Variants in CPS1 observed in about 807,000 individuals in gnomAD.
CPS1 encodes the protein carbamoyl-phosphate synthase 1.
Under a neutral mutation model 174.6 loss-of-function variants are expected in CPS1, and 109 were observed. That is an observed-to-expected ratio of 0.62 (90% CI 0.53 to 0.73). The LOEUF is 0.73. Among genes scored for constraint, CPS1 ranks in the 30% least tolerant of loss-of-function variants. CPS1 has a pLI of 0.00. For synonymous variants in CPS1, 637 were observed against 632.0 expected (o/e 1.01, Z -0.12); for missense variants, 1,689 against 1,821.9 (o/e 0.93, Z 1.33).
chr2:210,674,714 T>C lies in CPS1; in HGVS notation c.4102-188T>C. The stretch of plus-strand genomic sequence containing the variant: ...CAAGATTATGTGGATGGAATTTCAT[T>C]GACATTGGGATATAGCTAAAACTCA... On this transcript the variant is annotated intron_variant, in intron 34 of 37. Coordinates refer to ENST00000233072, the MANE Select transcript of CPS1 (RefSeq NM_001875.5). 3 of 615,152 alleles carry C rather than the reference T, an allele frequency of 4.9e-6. No individual in the cohort carries two copies. In the South Asian group the frequency reaches 5.7e-5, roughly 12 times the overall value. The allele number at this position is 615,152 out of a possible 1,614,324, so 38.1% of individuals were successfully genotyped here. A position where few individuals can be genotyped will look rare whatever the true frequency, so the allele number is the denominator to read the frequency against.
intron 7 of CPS1, 63 bp from the exon 8 acceptor site, chr2:210,590,043 C>CA: frequency 1.9e-5 from 30 of 1,603,028 alleles, no homozygotes; most frequent in Non-Finnish European, 2.5e-5. Context: ...GAAAGTCTAG[C>CA]AAAATTATAC....
intron 1 of CPS1, among the ~76,000 whole-genome samples, chr2:210,521,382 A>G (rs765817831): frequency 2.8e-4 from 42 of 151,386 alleles, no homozygotes; most frequent in Non-Finnish European, 1.5e-4. Flanking sequence ...CAATTTTATT[A>G]TAATATTCCT....
intron 19 of CPS1, among the ~76,000 whole-genome samples, chr2:210,611,788 G>T (rs1357816099): frequency 6.6e-6 from 1 of 151,730 alleles, no homozygotes. Flanking sequence ...ACTAAGAAAA[G>T]GTCTCTATGC....
chr2:210,660,856 A>T (rs1450765511), intron 32 of CPS1, among the ~76,000 whole-genome samples: 2 of 152,230 alleles, frequency 1.3e-5, no homozygotes, highest in Admixed American at 6.5e-5. Flanking sequence ...AAAAATTTTT[A>T]AAACCATCTA....
intron 3 of CPS1, 65 bp downstream of exon 3, chr2:210,576,555 G>C: frequency 1.3e-6 from 2 of 1,586,132 alleles, no homozygotes; most frequent in African/African-American, 1.3e-5. Context: ...TTATTCTTAA[G>C]AATTAGGATG....
At chr2:210,618,578 T>C (rs1699397234) in intron 21 of CPS1, 1 of 152,102 alleles carries the variant, frequency 6.6e-6, no homozygotes. Flanking sequence ...AATTTGATAA[T>C]GATTGTTATT....
upstream of CPS1, chr2:210,556,368 G>C (rs545337486): frequency 2.1e-6 from 1 of 470,848 alleles, no homozygotes; most frequent in Admixed American, 2.3e-5. Context: ...TTTAGGATAA[G>C]GTTGTCCATG....
At chr2:210,504,704 G>A (rs1357528605) in intron 1 of CPS1, among the ~76,000 whole-genome samples, 1 of 152,178 alleles carries the variant, frequency 6.6e-6, no homozygotes, top group Non-Finnish European at 1.5e-5. Context: ...TCCTGTTAAT[G>A]TAGCTATATT....
At chr2:210,479,352 C>A (rs181457176) in intron 1 of CPS1, among the ~76,000 whole-genome samples, 127 of 138,650 alleles carry the variant, frequency 9.2e-4, no homozygotes, top group African/African-American at 2.9e-3. Context: ...TTTTTTGAGA[C>A]GGAGTCTCGC....
Position 210,631,608 on chromosome 2 carries a change from G to T in CPS1, c.2688-6094G>T, listed in dbSNP as rs1293705390. Among the ~76,000 whole-genome samples, 3 of 152,230 alleles carry T rather than the reference G, an allele frequency of 2.0e-5. No individual in the cohort carries two copies. In the East Asian group the frequency reaches 5.8e-4, roughly 29 times the overall value. On this transcript the variant is annotated intron_variant, in intron 21 of 37. Transcript: ENST00000233072. ...TCTAAAATTTCAGTCATTTTGTGCT[G>T]CTAAGTAGAAAGAAACTGAAGATTA...
chr2:210,644,616 G>A (rs917291255), intron 25 of CPS1, among the ~76,000 whole-genome samples: 1 of 152,026 alleles, frequency 6.6e-6, no homozygotes, highest in Non-Finnish European at 1.5e-5. Context: ...TTGTAATGAG[G>A]CAAATACTAC....
Position 210,634,512 on chromosome 2 carries a change from A to G in CPS1, c.2688-3190A>G, listed in dbSNP as rs548440237. ...TTTCTTGAAAGTAAAAGTAACCACAAACTTTGGTGTTTCCAAGGCTCTCTG... is the reference window on the plus strand; with the variant it reads ...TTTCTTGAAAGTAAAAGTAACCACAGACTTTGGTGTTTCCAAGGCTCTCTG... On this transcript the variant is annotated intron_variant, in intron 21 of 37. Transcript: ENST00000233072. Among the ~76,000 whole-genome samples, 6 of 152,298 alleles carry G rather than the reference A, an allele frequency of 3.9e-5. No homozygotes were observed. In the South Asian group the frequency reaches 8.3e-4, roughly 21 times the overall value.
chr2:210,675,633 C>T, intron 35 of CPS1, 95 bp from the exon 36 acceptor site: 1 of 743,068 alleles, frequency 1.3e-6, no homozygotes, highest in Non-Finnish European at 2.5e-6. Flanking sequence ...TTCTCATGTT[C>T]AGCAATTTCT....
In CPS1 at chr2:210,547,174, ATG is replaced by A. The variant is rs1315603813; in HGVS notation, c.4-9544_4-9543del. Reference sequence around the variant, plus strand: ...AGGTCTGAAAATAGAAGTTAAAAAAATGGTGCTAAATTGACATATTTGCTATT... The same window carrying A: ...AGGTCTGAAAATAGAAGTTAAAAAAAGTGCTAAATTGACATATTTGCTATT... On this transcript the variant is annotated intron_variant, in intron 1 of 38. Transcript: ENST00000430249. Among the ~76,000 whole-genome samples the A allele has an allele frequency of 7.9e-5, 12 of 152,284 alleles. No individual in the cohort carries two copies. The South Asian group carries it at 1.4e-3, about 18-fold the overall frequency.
intron 1 of CPS1, among the ~76,000 whole-genome samples, chr2:210,526,962 G>A (rs111935420): frequency 0.016 from 2,445 of 151,986 alleles, 54 homozygotes; most frequent in African/African-American, 0.051. Context: ...AGTTTTTACA[G>A]ATTTGCAGAA....
At chr2:210,498,933 A>G (rs956609342) in intron 1 of CPS1, among the ~76,000 whole-genome samples, 2 of 152,156 alleles carry the variant, frequency 1.3e-5, no homozygotes, top group African/African-American at 2.4e-5. Flanking sequence ...GTGCTTCACC[A>G]TGGTGTCTGA....
At chr2:210,569,755 T>A (rs1697417885) in intron 1 of CPS1, among the ~76,000 whole-genome samples, 1 of 152,058 alleles carries the variant, frequency 6.6e-6, no homozygotes, top group Admixed American at 6.6e-5. Context: ...GGTCCTTTAT[T>A]TTATAGAACT....
At chr2:210,639,412 A>ACCATCC (rs2105897788) in intron 23 of CPS1, among the ~76,000 whole-genome samples, 197 bp downstream of exon 23, 1 of 151,836 alleles carries the variant, frequency 6.6e-6, no homozygotes, top group Non-Finnish European at 1.5e-5. Context: ...GGAGATCGAG[A>ACCATCC]CCATCCTGGC....
intron 1 of CPS1, among the ~76,000 whole-genome samples, chr2:210,563,190 G>A (rs550219773): frequency 6.6e-6 from 1 of 152,240 alleles, no homozygotes; most frequent in South Asian, 2.1e-4. Context: ...GCTTCAGAAT[G>A]TTCTAAGTCA....
Sources: gnomAD v4.1 joint callset for allele counts (sites outside exome capture counted in the v4.1 genomes callset) on GRCh38, gnomAD v4.1.1 for gene constraint, MANE v1.5 for transcripts, NCBI Gene and HGNC (gene_info 2026-07-23, HGNC 2026-07-21) for gene names.